The following FAT2 variants were observed in gnomAD, a reference collection of about 807,000 sequenced individuals.
FAT2 encodes the protein protocadherin Fat 2.
In FAT2, 150 loss-of-function variants were observed where a neutral mutation model predicts 295.3. That is an observed-to-expected ratio of 0.51 (90% CI 0.44 to 0.58). The LOEUF is 0.58. Ranked by LOEUF, FAT2 falls within the 20% of genes least tolerant of loss-of-function variation. The pLI, the probability that FAT2 is intolerant of heterozygous loss-of-function variation, is 0.00. For synonymous variants in FAT2, 2,026 were observed against 2,150.3 expected (o/e 0.94, Z 1.60); for missense variants, 4,868 against 5,442.7 (o/e 0.89, Z 3.32).
At chr5:151,575,999 A>G (rs1758732649) in intron 1 of FAT2, among the ~76,000 whole-genome samples, 1 of 152,226 alleles carries the variant, frequency 6.6e-6, no homozygotes, top group Non-Finnish European at 1.5e-5. Flanking sequence ...GCCCAGCTCT[A>G]AAGAGCACGG....
At chr5:151,534,317 A>T in intron 13 of FAT2, 92 bp downstream of exon 13, 1 of 973,622 alleles carries the variant, frequency 1.0e-6, no homozygotes, top group Non-Finnish European at 1.5e-6. Context: ...CACCGCCCTT[A>T]CCAGTCCTAG....
chr5:151,581,188 C>T (rs1337024078), intron 1 of FAT2, among the ~76,000 whole-genome samples: 1 of 152,198 alleles, frequency 6.6e-6, no homozygotes. Context: ...CTGACAGAGG[C>T]TCGGTCTCTT....
At position 151,505,678 on chromosome 5, in the gene FAT2, CACAG is replaced by C; in HGVS notation, c.12933_12936del (p.Cys4312ArgfsTer83). The C allele has an allele frequency of 1.9e-6, 3 of 1,614,154 alleles. No homozygotes were observed. The highest frequency in any genetic ancestry group is 2.5e-6 in the Non-Finnish European group (3 of 1,180,006). ...CCTGCAAGAGGTGCCCCCTCCACCT[CACAG>C]ACAGCATAAGAGGGCCCAGCTCGGC... is the stretch of plus-strand genomic sequence containing the variant. On this transcript the variant is annotated frameshift_variant, in exon 24 of 24. Coordinates refer to ENST00000261800, the MANE Select transcript of FAT2 (RefSeq NM_001447.3). LOFTEE classifies it high-confidence loss of function.
At chr5:151,556,452 C>G (rs1007102463) in intron 3 of FAT2, 50 bp from the exon 4 acceptor site, 1 of 1,325,054 alleles carries the variant, frequency 7.5e-7, no homozygotes, top group South Asian at 1.3e-5. Flanking sequence ...CTTTCAGGGC[C>G]ACTTTACTGA....
At chr5:151,515,733 C>T (rs903346491) in intron 20 of FAT2, among the ~76,000 whole-genome samples, 10 of 152,206 alleles carry the variant, frequency 6.6e-5, no homozygotes, top group African/African-American at 2.4e-4. Flanking sequence ...TCACCCTGGT[C>T]TAAACCACCA....
intron 13 of FAT2, 115 bp from the exon 14 acceptor site, chr5:151,532,085 A>G (rs971819956): frequency 1.4e-6 from 2 of 1,396,842 alleles, no homozygotes; most frequent in Admixed American, 2.1e-5. Context: ...AAGGCGGACA[A>G]GCTGGCTTGG....
Position 151,554,690 on chromosome 5 carries a change from G to C in FAT2, c.3634-17C>G, listed in dbSNP as rs1227923417. The C allele has an allele frequency of 1.3e-6, 2 of 1,596,542 alleles. No homozygotes were observed. Among genetic ancestry groups the C allele is most frequent in the Admixed American group, 1.7e-5 (1 of 58,726 alleles). Reference sequence around the variant, plus strand: ...CACAGTCACCTGGGAGCAGAATTGAGCATGAGCACCTGAGCTGACAATTGC... The same window carrying C: ...CACAGTCACCTGGGAGCAGAATTGACCATGAGCACCTGAGCTGACAATTGC... On this transcript the variant is annotated splice_polypyrimidine_tract_variant and intron_variant, in intron 4 of 23. Transcript: ENST00000261800.
chr5:151,551,689 C>T, intron 6 of FAT2, 83 bp from the exon 7 acceptor site: 1 of 1,469,866 alleles, frequency 6.8e-7, no homozygotes, highest in Non-Finnish European at 9.4e-7. Context: ...TTGTCAGGCT[C>T]AGAGGACACG....
intron 1 of FAT2, among the ~76,000 whole-genome samples, chr5:151,573,898 T>G (rs564286853): frequency 6.6e-6 from 1 of 152,162 alleles, no homozygotes; most frequent in Non-Finnish European, 1.5e-5. Flanking sequence ...CGTGGAGGGC[T>G]CCTCATCACT....
In FAT2 at chr5:151,544,941, A is replaced by G; in HGVS notation, c.6186T>C (p.Asp2062=). The change falls in exon 10 of 24, where the codon GAT becomes GAC. Residue 2062 remains aspartate (D), a synonymous_variant. Transcript: ENST00000261800. ...TAAATTTGGGGGGATTGTCATTGAC[A>G]TCCTCAATAGAGACTCTGACCAAAC... ...AQGLVRVSIE[D]VNDNPPKFKH... 3 of 1,614,152 alleles carry G rather than the reference A, an allele frequency of 1.9e-6. No homozygotes were observed. The highest frequency in any genetic ancestry group is 2.5e-6 in the Non-Finnish European group (3 of 1,180,042).
intron 18 of FAT2, 126 bp from the exon 19 acceptor site, chr5:151,522,212 G>T (rs568984722): frequency 2.7e-5 from 18 of 679,196 alleles, no homozygotes; most frequent in Non-Finnish European, 4.0e-5. Flanking sequence ...CTGGCTCAGC[G>T]CATTGTTGCA....
intron 1 of FAT2, among the ~76,000 whole-genome samples, chr5:151,578,384 G>GT (rs1347039610): frequency 6.6e-6 from 1 of 152,172 alleles, no homozygotes; most frequent in African/African-American, 2.4e-5. Flanking sequence ...CTGAGCCTAT[G>GT]TTTTTCTTCA....
At chr5:151,587,947 C>T (rs969940145) in intron 1 of FAT2, among the ~76,000 whole-genome samples, 5 of 152,234 alleles carry the variant, frequency 3.3e-5, no homozygotes, top group African/African-American at 1.2e-4. Flanking sequence ...ATTGCGAATT[C>T]TCACAAATAG....
chr5:151,583,317 T>C (rs1156619325), intron 1 of FAT2, among the ~76,000 whole-genome samples: 1 of 152,126 alleles, frequency 6.6e-6, no homozygotes, highest in Non-Finnish European at 1.5e-5. Flanking sequence ...AAGAGCAGAA[T>C]GGACAAGTAT....
At position 151,522,169 on chromosome 5, in the gene FAT2, C is replaced by G. The variant is rs774765448; in HGVS notation, c.10507-83G>C. ...ACTGAGGCTGGGCCTCCTTGTGGAGCTACGTTTCTCTGCCCCACGCCCAAC... is the reference window on the plus strand; with the variant it reads ...ACTGAGGCTGGGCCTCCTTGTGGAGGTACGTTTCTCTGCCCCACGCCCAAC... On this transcript the variant is annotated intron_variant, in intron 18 of 23. Transcript: ENST00000261800. 464 of 1,128,220 alleles carry G rather than the reference C, an allele frequency of 4.1e-4. 1 individual carries two copies. Among genetic ancestry groups the G allele is most frequent in the Non-Finnish European group, 5.5e-4 (440 of 807,014 alleles). 69.9% of individuals were successfully genotyped at this position (1,128,220 alleles called of 1,614,324 possible).
At position 151,563,366 on chromosome 5, in the gene FAT2, C is replaced by T. The variant is rs542186927; in HGVS notation, c.3533G>A (p.Ser1178Asn). Residue 1178 changes from serine to asparagine, a missense_variant, in exon 3 of 24, where the codon AGT becomes AAT. Coordinates refer to ENST00000261800, the MANE Select transcript of FAT2 (RefSeq NM_001447.3). ...SKGKLTFNIT[S>N]GNYMGFFMIH... ...CATAAAGAATCCCATGTAGTTCCCA[C>T]TGGTGATGTTGAAGGTCAGCTTCCC... 1.9e-6 allele frequency: 3 copies of T among 1,614,100 alleles called. No individual in the cohort carries two copies. The highest frequency in any genetic ancestry group is 2.5e-6 in the Non-Finnish European group (3 of 1,180,038).
rs761835664 is a variant in FAT2 at position 151,525,972 on chromosome 5, C to A, written c.10309-7G>T. 6.2e-6 allele frequency: 10 copies of A among 1,613,492 alleles called. No homozygotes were observed. The highest frequency in any genetic ancestry group is 7.6e-6 in the Non-Finnish European group (9 of 1,179,790). ...TGCCAATGGGGGAGTTCTCCTGAGA[C>A]CGAGAGTGACAAAGAAGGCAAAGAG... On this transcript the variant is annotated splice_region_variant and splice_polypyrimidine_tract_variant and intron_variant, in intron 17 of 23. Coordinates refer to ENST00000261800, the MANE Select transcript of FAT2 (RefSeq NM_001447.3).
At chr5:151,526,964 C>A (rs544955088) in intron 17 of FAT2, among the ~76,000 whole-genome samples, 1 of 152,302 alleles carries the variant, frequency 6.6e-6, no homozygotes, top group South Asian at 2.1e-4. Flanking sequence ...GTTTTCATAC[C>A]TCAATCTTCT....
chr5:151,530,925 T>C (rs1004634169), intron 14 of FAT2, among the ~76,000 whole-genome samples: 11 of 152,152 alleles, frequency 7.2e-5, no homozygotes, highest in Non-Finnish European at 1.0e-4. Context: ...TTTTAAAAAA[T>C]ATTGCTCAAT....
Sources: allele counts gnomAD v4.1 joint callset (sites outside exome capture counted in the v4.1 genomes callset), GRCh38; gene constraint gnomAD v4.1.1; transcripts MANE v1.5; gene names NCBI Gene and HGNC (gene_info 2026-07-23, HGNC 2026-07-21).